SCAP: variants seen among roughly 807,000 people sequenced by gnomAD.
SCAP encodes the protein sterol regulatory element-binding protein cleavage-activating protein.
SCAP carries 65 observed loss-of-function variants against 123.6 expected under a neutral mutation model. The ratio of observed to expected loss-of-function variants is 0.53; its 90% CI spans 0.43 to 0.65. The LOEUF is 0.65. Ranked by LOEUF, SCAP falls within the 30% of genes least tolerant of loss-of-function variation. The probability of loss-of-function intolerance (pLI) is 0.00; values close to 1 mark genes in which losing one functional copy is unlikely to be tolerated. For missense variants in SCAP, 1,398 were observed against 1,712.5 expected, an observed-to-expected ratio of 0.82 and a Z score of 3.24; for synonymous variants, 740 against 726.3, an observed-to-expected ratio of 1.02 and a Z score of -0.30.
intron 1 of SCAP, among the ~76,000 whole-genome samples, chr3:47,456,393 AC>A (rs1255753867): frequency 1.3e-5 from 2 of 152,100 alleles, no homozygotes; most frequent in East Asian, 3.8e-4. Flanking sequence ...ACAGAATAAG[AC>A]CCTGCCTCAA....
At chr3:47,423,072 A>G (rs1274530493) in intron 9 of SCAP, among the ~76,000 whole-genome samples, 3 of 152,124 alleles carry the variant, frequency 2.0e-5, no homozygotes. Flanking sequence ...ATTTCGCCCC[A>G]TCTCTTCCTA....
chr3:47,421,133 C>T, intron 10 of SCAP, 104 bp from the exon 11 acceptor site: 4 of 878,660 alleles, frequency 4.6e-6, no homozygotes, highest in Non-Finnish European at 5.8e-6. Flanking sequence ...GGCAGGGCAG[C>T]AGCAGGCAGG....
chr3:47,469,663 A>G (rs1359208870), intron 1 of SCAP: 1 of 242,734 alleles, frequency 4.1e-6, no homozygotes, highest in Non-Finnish European at 8.2e-6. Flanking sequence ...CCAGCCACCA[A>G]ATAATTTTAA....
chr3:47,426,509 C>A (rs566318431), intron 6 of SCAP, among the ~76,000 whole-genome samples: 4 of 152,264 alleles, frequency 2.6e-5, no homozygotes, highest in Non-Finnish European at 5.9e-5. Context: ...GCCATCTGGG[C>A]TCACTGCAAG....
chr3:47,452,310 GC>G (rs373600832), intron 1 of SCAP, among the ~76,000 whole-genome samples: 199 of 152,244 alleles, frequency 1.3e-3, no homozygotes, highest in African/African-American at 4.6e-3. Flanking sequence ...AATCCCTTGA[GC>G]CCAGGAGTTT....
At chr3:47,455,440 C>T (rs1269021334) in intron 1 of SCAP, among the ~76,000 whole-genome samples, 1 of 151,242 alleles carries the variant, frequency 6.6e-6, no homozygotes, top group African/African-American at 2.4e-5. Flanking sequence ...ACTAAAAATA[C>T]AAAAATTAGC....
At chr3:47,428,361 G>A (rs1468767145) in intron 4 of SCAP, 152 bp downstream of exon 4, 1 of 820,722 alleles carries the variant, frequency 1.2e-6, no homozygotes, top group Non-Finnish European at 2.0e-6. Flanking sequence ...CCACAAGGAT[G>A]CTGAGAAATT....
At chr3:47,449,090 T>C (rs952790943) in intron 1 of SCAP, among the ~76,000 whole-genome samples, 7 of 152,198 alleles carry the variant, frequency 4.6e-5, no homozygotes, top group Non-Finnish European at 1.0e-4. Context: ...ATTATTTTGA[T>C]TTTTCCCAAG....
chr3:47,474,989 A>C (rs1007617335), intron 1 of SCAP, among the ~76,000 whole-genome samples: 1 of 152,206 alleles, frequency 6.6e-6, no homozygotes, highest in African/African-American at 2.4e-5. Flanking sequence ...CAAATAAAAG[A>C]AACACACGCA....
chr3:47,437,120 T>C (rs1381641184), intron 2 of SCAP, among the ~76,000 whole-genome samples: 2 of 152,150 alleles, frequency 1.3e-5, no homozygotes, highest in African/African-American at 4.8e-5. Flanking sequence ...TGAGGAACAT[T>C]TGGCTGTTTC....
In SCAP at chr3:47,429,256, A is replaced by C. The variant is rs1345681481; in HGVS notation, c.253-586T>G. Among the ~76,000 whole-genome samples the C allele has an allele frequency of 3.9e-5, 6 of 152,222 alleles. 1 individual carries two copies. In the South Asian group the frequency reaches 1.2e-3, roughly 31 times the overall value. ...GTGTCACAGTATTGGCTTCTAGCACATTGGGCAGCGAGCCTCTTTTGCTCA... is the reference window on the plus strand; with the variant it reads ...GTGTCACAGTATTGGCTTCTAGCACCTTGGGCAGCGAGCCTCTTTTGCTCA... On this transcript the variant is annotated intron_variant, in intron 3 of 22. Coordinates refer to ENST00000265565, the MANE Select transcript of SCAP (RefSeq NM_012235.4).
chr3:47,421,289 C>T, intron 10 of SCAP: 1 of 471,478 alleles, frequency 2.1e-6, no homozygotes. Context: ...CCTGAATCTT[C>T]CGGTCCCTCT....
At chr3:47,446,845 G>A (rs910851722) in intron 1 of SCAP, among the ~76,000 whole-genome samples, 10 of 152,132 alleles carry the variant, frequency 6.6e-5, no homozygotes, top group Non-Finnish European at 1.3e-4. Flanking sequence ...TTGGGAGGCT[G>A]AAGTGGGAGG....
At position 47,426,752 on chromosome 3, in the gene SCAP, G is replaced by A. The variant is rs181897229; in HGVS notation, c.737+405C>T. The stretch of plus-strand genomic sequence containing the variant: ...CGCCCGGCCTCCAACACTCTTGATT[G>A]CCAGAGGCCTAGGAGAGCCGATCAG... On this transcript the variant is annotated intron_variant, in intron 6 of 22. Coordinates refer to ENST00000265565, the MANE Select transcript of SCAP (RefSeq NM_012235.4). Among the ~76,000 whole-genome samples the A allele has an allele frequency of 1.0e-3, 153 of 152,324 alleles. 3 individuals carry two copies. The highest frequency in any genetic ancestry group is 3.4e-3 in the African/African-American group (143 of 41,568).
chr3:47,425,688 C>A (rs1017286100), intron 7 of SCAP, 77 bp from the exon 8 acceptor site: 7 of 1,520,606 alleles, frequency 4.6e-6, no homozygotes, highest in South Asian at 1.2e-5. Flanking sequence ...GAGTAGGTTG[C>A]CCTGACAGTC....
intron 10 of SCAP, among the ~76,000 whole-genome samples, chr3:47,421,908 G>A (rs545856204): frequency 3.2e-4 from 49 of 152,398 alleles, no homozygotes; most frequent in Admixed American, 1.0e-3. Flanking sequence ...GCCCACAGCT[G>A]AGTGAGGGCA....
chr3:47,456,031 G>T (rs899486842), intron 1 of SCAP, among the ~76,000 whole-genome samples: 1 of 152,204 alleles, frequency 6.6e-6, no homozygotes, highest in Non-Finnish European at 1.5e-5. Flanking sequence ...GTAGGAGAAA[G>T]ATTAATTGCG....
intron 1 of SCAP, chr3:47,475,442 G>GA (rs1708230874): frequency 6.6e-6 from 1 of 152,244 alleles, no homozygotes; most frequent in African/African-American, 2.4e-5. Context: ...CCCGCACTCC[G>GA]GAAAACCCAA....
At chr3:47,418,617 C>A in intron 14 of SCAP, 38 bp downstream of exon 14, 1 of 1,537,818 alleles carries the variant, frequency 6.5e-7, no homozygotes, top group East Asian at 2.3e-5. Context: ...TCCCCCTCCC[C>A]GCACTCTTTC....
Sources: allele counts gnomAD v4.1 joint callset (sites outside exome capture counted in the v4.1 genomes callset), GRCh38; gene constraint gnomAD v4.1.1; transcripts MANE v1.5; gene names NCBI Gene and HGNC (gene_info 2026-07-23, HGNC 2026-07-21).